The following PDS5B variants were observed in gnomAD, a reference collection of about 807,000 sequenced individuals.
The protein encoded by PDS5B is sister chromatid cohesion protein PDS5 homolog B.
PDS5B carries 51 observed loss-of-function variants against 184.1 expected under a neutral mutation model. The ratio of observed to expected loss-of-function variants is 0.28; its 90% CI spans 0.22 to 0.35. The LOEUF (loss-of-function observed/expected upper bound fraction) is 0.35, where lower values mean the gene tolerates loss of function less well. PDS5B is among the 10% of genes least tolerant of loss of function. The pLI, the probability that PDS5B is intolerant of heterozygous loss-of-function variation, is 1.00. For synonymous variants in PDS5B, 566 were observed against 569.2 expected (o/e 0.99, Z 0.08); for missense variants, 1,180 against 1,723.3 (o/e 0.68, Z 5.58).
intron 19 of PDS5B, among the ~76,000 whole-genome samples, chr13:32,721,151 G>GT (rs1034717299): frequency 6.6e-5 from 10 of 152,354 alleles, no homozygotes; most frequent in African/African-American, 2.4e-4. Flanking sequence ...TCAATGAGCT[G>GT]TTGGGTACAC....
intron 33 of PDS5B, chr13:32,770,995 C>T: frequency 2.2e-6 from 1 of 464,688 alleles, no homozygotes; most frequent in Non-Finnish European, 3.8e-6. Context: ...TATATTATTT[C>T]CTATACAGAC....
chr13:32,669,729 CTGAGTACACAT>C (rs1386659947), intron 7 of PDS5B, among the ~76,000 whole-genome samples: 1 of 152,140 alleles, frequency 6.6e-6, no homozygotes, highest in African/African-American at 2.4e-5. Flanking sequence ...CCAGAGTGTT[CTGAGTACACAT>C]TGAATTATAT....
intron 3 of PDS5B, chr13:32,652,289 C>T (rs1950385251): frequency 7.3e-6 from 2 of 272,904 alleles, no homozygotes; most frequent in Non-Finnish European, 1.4e-5. Context: ...AATTCCTTTT[C>T]ACTTTTGAAA....
At chr13:32,736,841 T>C (rs1350277343) in intron 21 of PDS5B, among the ~76,000 whole-genome samples, 1 of 152,102 alleles carries the variant, frequency 6.6e-6, no homozygotes, top group Non-Finnish European at 1.5e-5. Context: ...TTTTTGTTTT[T>C]TTTCTGACCT....
intron 21 of PDS5B, among the ~76,000 whole-genome samples, chr13:32,739,265 C>T (rs1953453871): frequency 6.6e-6 from 1 of 152,002 alleles, no homozygotes; most frequent in Non-Finnish European, 1.5e-5. Context: ...TTACCATCTC[C>T]TGGTAATCTG....
intron 1 of PDS5B, among the ~76,000 whole-genome samples, chr13:32,591,635 T>C (rs1456820217): frequency 6.6e-6 from 1 of 152,204 alleles, no homozygotes; most frequent in Non-Finnish European, 1.5e-5. Context: ...TTTACCAACA[T>C]TGGACTTTAA....
chr13:32,640,443 C>T (rs1314314756), intron 1 of PDS5B, among the ~76,000 whole-genome samples: 7 of 151,948 alleles, frequency 4.6e-5, no homozygotes, highest in South Asian at 2.1e-4. Flanking sequence ...GACGGGGTTT[C>T]GCCATGTTGT....
In PDS5B at chr13:32,775,097, C is replaced by CATTTTTT; in HGVS notation, c.*45_*46insATTTTTT. On this transcript the variant is annotated 3_prime_UTR_variant, in exon 35 of 35. Transcript: ENST00000315596. ...TTCTCTGTGAAAGCTTTGGAAAAAT[C>CATTTTTT]TTTTTTTTTTTTTTTGGTCAAGCTT... The CATTTTTT allele has an allele frequency of 3.5e-6, 3 of 862,708 alleles. No homozygotes were observed. Among genetic ancestry groups the CATTTTTT allele is most frequent in the South Asian group, 1.7e-5 (1 of 59,242 alleles). The allele number at this position is 862,708 out of a possible 1,614,324, so 53.4% of individuals were successfully genotyped here.
At chr13:32,753,027 GT>G (rs750442745) in intron 24 of PDS5B, among the ~76,000 whole-genome samples, 29 of 152,148 alleles carry the variant, frequency 1.9e-4, no homozygotes, top group Non-Finnish European at 4.0e-4. Flanking sequence ...ATATGAGATG[GT>G]GTTTAAGCCT....
At chr13:32,716,188 C>T (rs1037165512) in intron 19 of PDS5B, among the ~76,000 whole-genome samples, 1,131 of 2,286 alleles carry the variant, frequency 0.49, 15 homozygotes, top group African/African-American at 0.5. Flanking sequence ...CGTCTCTGCC[C>T]GGCGTGCCAT....
Position 32,648,304 on chromosome 13 carries a change from C to G in PDS5B, c.-19-450C>G, listed in dbSNP as rs528102587. Among the ~76,000 whole-genome samples the G allele has an allele frequency of 9.9e-5, 15 of 152,224 alleles. No homozygotes were observed. The South Asian group carries it at 2.5e-3, about 25-fold the overall frequency. ...CAGATTTACTTCTGTTCCCCTTGCC[C>G]TATAAGACCATCAAAACTGAATCCC... On this transcript the variant is annotated intron_variant, in intron 1 of 34. Coordinates refer to ENST00000315596, the MANE Select transcript of PDS5B (RefSeq NM_015032.4).
At chr13:32,602,996 C>T (rs2058002083) in intron 1 of PDS5B, among the ~76,000 whole-genome samples, 1 of 152,048 alleles carries the variant, frequency 6.6e-6, no homozygotes, top group African/African-American at 2.4e-5. Context: ...GGATATTAGC[C>T]CTTTGTCAGA....
At chr13:32,625,992 C>G (rs1257881772) in intron 1 of PDS5B, among the ~76,000 whole-genome samples, 1 of 152,036 alleles carries the variant, frequency 6.6e-6, no homozygotes, top group Admixed American at 6.6e-5. Context: ...GCACGCACTA[C>G]CAACGCCTGG....
At chr13:32,662,444 G>A (rs1457751245) in intron 6 of PDS5B, among the ~76,000 whole-genome samples, 1 of 151,618 alleles carries the variant, frequency 6.6e-6, no homozygotes, top group Non-Finnish European at 1.5e-5. Flanking sequence ...TTAATAACAA[G>A]CATAATTAAC....
rs527749954 is a variant in PDS5B, at chr13:32,620,689, C to T, written c.-19-28065C>T. Among the ~76,000 whole-genome samples the T allele has an allele frequency of 2.7e-3, 405 of 149,654 alleles. 2 individuals carry two copies. Among genetic ancestry groups the T allele is most frequent in the Non-Finnish European group, 4.5e-3 (306 of 67,610 alleles). ...AAAAAAAAAAAAGTGGTAGTGATAA[C>T]GGGATTCTGATTGTTTCTAGCTTTA... On this transcript the variant is annotated intron_variant, in intron 1 of 34. Transcript: ENST00000315596.
intron 24 of PDS5B, among the ~76,000 whole-genome samples, chr13:32,746,508 G>A (rs1489581141): frequency 2.0e-5 from 3 of 152,134 alleles, no homozygotes; most frequent in Non-Finnish European, 1.5e-5. Flanking sequence ...TGAACTCACA[G>A]CCAACAGCAC....
chr13:32,689,530 C>G (rs948433013), intron 13 of PDS5B: 1 of 152,066 alleles, frequency 6.6e-6, no homozygotes, highest in African/African-American at 2.4e-5. Flanking sequence ...AAAATATTTA[C>G]TGTCCGGCCT....
intron 24 of PDS5B, among the ~76,000 whole-genome samples, chr13:32,750,926 T>C (rs1186110913): frequency 6.6e-6 from 1 of 151,624 alleles, no homozygotes; most frequent in Admixed American, 6.6e-5. Flanking sequence ...TACAGGTTTG[T>C]TATCTAGGTA....
rs1391300696 is a variant in PDS5B, at chr13:32,619,093, C to T, written c.-19-29661C>T. Among the ~76,000 whole-genome samples the T allele has an allele frequency of 2.0e-5, 3 of 152,192 alleles. No individual in the cohort carries two copies. In the South Asian group the frequency reaches 6.2e-4, roughly 32 times the overall value. Reference sequence around the variant, plus strand: ...CTGTCTGGCAGGGCAAATACCCCTACCCTGTATTTCAGAAGTTGTTTGGCT... The same window carrying T: ...CTGTCTGGCAGGGCAAATACCCCTATCCTGTATTTCAGAAGTTGTTTGGCT... On this transcript the variant is annotated intron_variant, in intron 1 of 34. Coordinates refer to ENST00000315596, the MANE Select transcript of PDS5B (RefSeq NM_015032.4).
Sources: allele counts gnomAD v4.1 joint callset (sites outside exome capture counted in the v4.1 genomes callset), GRCh38; gene constraint gnomAD v4.1.1; transcripts MANE v1.5; gene names NCBI Gene and HGNC (gene_info 2026-07-23, HGNC 2026-07-21).